The following TRIP12 variants were observed in gnomAD, a reference collection of about 807,000 sequenced individuals.
TRIP12 encodes E3 ubiquitin-protein ligase TRIP12.
TRIP12 carries 25 observed loss-of-function variants against 244.2 expected under a neutral mutation model. The observed-to-expected ratio is 0.10, with a 90% CI of 0.07 to 0.14. The LOEUF is 0.14. Ranked by LOEUF, TRIP12 falls within the 10% of genes least tolerant of loss-of-function variation. TRIP12 has a pLI of 1.00. For synonymous variants in TRIP12, 905 were observed against 873.1 expected, an observed-to-expected ratio of 1.04 and a Z score of -0.64; for missense variants, 1,677 against 2,486.4, an observed-to-expected ratio of 0.67 and a Z score of 6.92.
chr2:229,789,504 G>C (rs1403696234), intron 31 of TRIP12, 107 bp downstream of exon 31: 1 of 1,366,368 alleles, frequency 7.3e-7, no homozygotes, highest in Non-Finnish European at 9.9e-7. Context: ...TACTTTACTG[G>C]GCTAGGAGCC....
chr2:229,903,506 T>C (rs2071685894), intron 1 of TRIP12, among the ~76,000 whole-genome samples: 1 of 151,770 alleles, frequency 6.6e-6, no homozygotes, highest in Non-Finnish European at 1.5e-5. Context: ...GAAGAGCAAG[T>C]AGAAGGCAAG....
intron 8 of TRIP12, among the ~76,000 whole-genome samples, chr2:229,821,143 G>C (rs1306140181): frequency 6.6e-6 from 1 of 152,078 alleles, no homozygotes; most frequent in Non-Finnish European, 1.5e-5. Flanking sequence ...GATAAAAACT[G>C]AATTATATTT....
intron 4 of TRIP12, among the ~76,000 whole-genome samples, chr2:229,844,191 C>T (rs1263817312): frequency 6.6e-6 from 1 of 152,128 alleles, no homozygotes; most frequent in Admixed American, 6.5e-5. Flanking sequence ...GTACTTCCTG[C>T]TTACATGATT....
chr2:229,814,196 A>C lies in TRIP12; in HGVS notation c.1824+37T>G, dbSNP rs199779019. ...AATGTGGATTTTAAAAATTCTACATAAAGTGAAATGTAGTCCCCTTCAGTA... is the reference window on the plus strand; with the variant it reads ...AATGTGGATTTTAAAAATTCTACATCAAGTGAAATGTAGTCCCCTTCAGTA... On this transcript the variant is annotated intron_variant, in intron 12 of 41. Transcript: ENST00000675903. 5 of 1,599,060 alleles carry C rather than the reference A, an allele frequency of 3.1e-6. No homozygotes were observed. In the South Asian group the frequency reaches 5.6e-5, roughly 18 times the overall value.
At chr2:229,874,096 C>G (rs2063177738) in intron 2 of TRIP12, among the ~76,000 whole-genome samples, 1 of 150,668 alleles carries the variant, frequency 6.6e-6, no homozygotes, top group East Asian at 1.9e-4. Flanking sequence ...GAATCAACAC[C>G]TTTCACATAA....
chr2:229,922,499 C>T (rs1411074884), upstream of TRIP12: 2 of 1,613,662 alleles, frequency 1.2e-6, no homozygotes, highest in Non-Finnish European at 1.7e-6. Flanking sequence ...TTAGCGACGG[C>T]GGTGGCGTCC....
At position 229,840,811 on chromosome 2, in the gene TRIP12, AAAC is replaced by A; in HGVS notation, c.1133+8_1133+10del. On this transcript the variant is annotated splice_region_variant and intron_variant, in intron 5 of 41. Transcript: ENST00000675903. Reference sequence around the variant, plus strand: ...AAATGAACTCACTATAAAAAAAAAAAAACAAATTACCTGGTACTAGCACAGGAG... The same window carrying A: ...AAATGAACTCACTATAAAAAAAAAAAAAATTACCTGGTACTAGCACAGGAG... 6.4e-7 allele frequency: 1 copy of A among 1,556,630 alleles called. No individual in the cohort carries two copies. The highest frequency in any genetic ancestry group is 8.6e-7 in the Non-Finnish European group (1 of 1,157,820).
intron 1 of TRIP12, among the ~76,000 whole-genome samples, chr2:229,917,476 T>A (rs1482968550): frequency 1.4e-5 from 2 of 142,966 alleles, no homozygotes; most frequent in African/African-American, 5.2e-5. Context: ...TTCTGTAACA[T>A]CCACCAGATT....
chr2:229,816,382 C>T (rs2048507708), intron 9 of TRIP12, among the ~76,000 whole-genome samples: 1 of 150,092 alleles, frequency 6.7e-6, no homozygotes, highest in South Asian at 2.1e-4. Flanking sequence ...AACACTTAGT[C>T]TAATTTGAAA....
At position 229,880,026 on chromosome 2, in the gene TRIP12, C is replaced by T. The variant is rs779439155; in HGVS notation, c.54G>A (p.Arg18=). The change falls in exon 2 of 42, where the codon AGG becomes AGA. Residue 18 remains arginine (R), a synonymous_variant. Coordinates refer to ENST00000675903, the MANE Select transcript of TRIP12 (RefSeq NM_001348323.3). ...NPGGSLRRSQ[R]NTAGAQPQDD... is the part of the protein sequence containing the mutation. Reference sequence around the variant, plus strand: ...CTTGTGGTTGGGCCCCGGCAGTGTTCCTCTGTGAACGTCGCAGTGACCCCC... The same window carrying T: ...CTTGTGGTTGGGCCCCGGCAGTGTTTCTCTGTGAACGTCGCAGTGACCCCC... The T allele has an allele frequency of 1.9e-6, 3 of 1,614,122 alleles. No homozygotes were observed. The highest frequency in any genetic ancestry group is 4.5e-5 in the East Asian group (2 of 44,880).
chr2:229,823,571 G>A (rs955184056), intron 8 of TRIP12, among the ~76,000 whole-genome samples: 6 of 152,072 alleles, frequency 3.9e-5, no homozygotes, highest in Admixed American at 3.9e-4. Flanking sequence ...AGCTACTCGG[G>A]AGGTTGACGC....
At chr2:229,775,803 A>G (rs2036059584) in intron 37 of TRIP12, among the ~76,000 whole-genome samples, 1 of 151,816 alleles carries the variant, frequency 6.6e-6, no homozygotes, top group Non-Finnish European at 1.5e-5. Flanking sequence ...TTTATTAAAG[A>G]AACAGGATGT....
chr2:229,879,846 T>C, intron 2 of TRIP12, 136 bp downstream of exon 2: 1 of 953,556 alleles, frequency 1.0e-6, no homozygotes, highest in East Asian at 2.6e-5. Context: ...CAGTTTGCTT[T>C]TAAGTACCTG....
chr2:229,916,408 T>C (rs1019164950), intron 1 of TRIP12, among the ~76,000 whole-genome samples: 4 of 152,156 alleles, frequency 2.6e-5, no homozygotes, highest in Non-Finnish European at 4.4e-5. Context: ...ATAACCATGA[T>C]AGCCAAGTGT....
chr2:229,803,906 T>G (rs2045149510), intron 19 of TRIP12, 93 bp downstream of exon 19: 26 of 1,158,714 alleles, frequency 2.2e-5, no homozygotes, highest in Non-Finnish European at 3.1e-5. Context: ...CAAATTTTTG[T>G]GCATATTTTT....
intron 34 of TRIP12, among the ~76,000 whole-genome samples, chr2:229,781,237 A>G (rs933776605): frequency 1.3e-5 from 2 of 152,238 alleles, no homozygotes; most frequent in African/African-American, 4.8e-5. Flanking sequence ...CTAAAAGTGT[A>G]GGTACTTGGT....
intron 2 of TRIP12, among the ~76,000 whole-genome samples, chr2:229,866,385 G>T (rs1038028231): frequency 2.0e-5 from 3 of 152,070 alleles, no homozygotes; most frequent in African/African-American, 7.2e-5. Flanking sequence ...CTATAATTTT[G>T]TGTCACTGTG....
At position 229,815,438 on chromosome 2, in the gene TRIP12, C is replaced by CT; in HGVS notation, c.1600-131dup. ...CCTAACTTTTACCACACAAAAATAACTTTAAGATAAAACCTAGTAGGCGTT... is the reference window on the plus strand; with the variant it reads ...CCTAACTTTTACCACACAAAAATAACTTTTAAGATAAAACCTAGTAGGCGTT... On this transcript the variant is annotated intron_variant, in intron 9 of 41. Coordinates refer to ENST00000675903, the MANE Select transcript of TRIP12 (RefSeq NM_001348323.3). The CT allele has an allele frequency of 5.0e-6, 3 of 596,748 alleles. 1 individual carries two copies. The highest frequency in any genetic ancestry group is 2.2e-5 in the South Asian group (1 of 45,202). 37.0% of individuals were successfully genotyped at this position (596,748 alleles called of 1,614,324 possible).
intron 9 of TRIP12, among the ~76,000 whole-genome samples, chr2:229,817,157 A>T (rs976391737): frequency 6.6e-6 from 1 of 152,174 alleles, no homozygotes; most frequent in Non-Finnish European, 1.5e-5. Flanking sequence ...ACCAAAACTC[A>T]AGCTATCTCC....
Sources: allele counts gnomAD v4.1 joint callset (sites outside exome capture counted in the v4.1 genomes callset), GRCh38; gene constraint gnomAD v4.1.1; transcripts MANE v1.5; gene names NCBI Gene and HGNC (gene_info 2026-07-23, HGNC 2026-07-21).